Variants in SLC4A5 observed in about 807,000 individuals in gnomAD.
The protein encoded by SLC4A5 is electrogenic sodium bicarbonate cotransporter 4.
SLC4A5 carries 96 observed loss-of-function variants against 120.4 expected under a neutral mutation model. That is an observed-to-expected ratio of 0.80 (90% CI 0.68 to 0.94). The LOEUF (loss-of-function observed/expected upper bound fraction) is 0.94, where lower values mean the gene tolerates loss of function less well. SLC4A5 is among the 40% of genes least tolerant of loss of function. The pLI is 0.00. For missense variants in SLC4A5, 1,259 were observed against 1,459.5 expected (o/e 0.86, Z 2.24); for synonymous variants, 550 against 571.1 (o/e 0.96, Z 0.53).
intron 21 of SLC4A5, among the ~76,000 whole-genome samples, chr2:74,236,574 C>G (rs1331205548): frequency 6.6e-6 from 1 of 152,174 alleles, no homozygotes; most frequent in African/African-American, 2.4e-5. Context: ...ATCTGTAAGT[C>G]AATTCCAAAA....
chr2:74,230,453 G>A lies in SLC4A5; in HGVS notation c.2847+783C>T, dbSNP rs149687824. Among the ~76,000 whole-genome samples the A allele has an allele frequency of 1.1e-4, 16 of 152,234 alleles. 1 individual carries two copies. The highest frequency in any genetic ancestry group is 3.4e-4 in the African/African-American group (14 of 41,546). Reference sequence around the variant, plus strand: ...CAAGCTGTGTGGGAAAAAGTCACTCGAGTCCCCAGACTTCCTGAGCTCAGG... The same window carrying A: ...CAAGCTGTGTGGGAAAAAGTCACTCAAGTCCCCAGACTTCCTGAGCTCAGG... On this transcript the variant is annotated intron_variant, in intron 25 of 30. Transcript: ENST00000394019.
chr2:74,274,970 C>A (rs1421397597), intron 8 of SLC4A5, among the ~76,000 whole-genome samples: 2 of 152,182 alleles, frequency 1.3e-5, no homozygotes, highest in African/African-American at 4.8e-5. Context: ...GGACTAGGAT[C>A]AGATTGATAG....
intron 7 of SLC4A5, among the ~76,000 whole-genome samples, chr2:74,289,136 T>A (rs1672079140): frequency 6.6e-6 from 1 of 152,194 alleles, no homozygotes; most frequent in Non-Finnish European, 1.5e-5. Context: ...CAGTAGAGTG[T>A]GCTTTTAAAA....
intron 26 of SLC4A5, 46 bp from the exon 27 acceptor site, chr2:74,227,176 C>T (rs773886977): frequency 5.1e-5 from 79 of 1,547,132 alleles, no homozygotes; most frequent in Non-Finnish European, 6.6e-5. Flanking sequence ...ACCCCGAGGG[C>T]CCGCTGGGTC....
At chr2:74,248,704 C>A (rs1423159980) in intron 17 of SLC4A5, among the ~76,000 whole-genome samples, 4 of 152,180 alleles carry the variant, frequency 2.6e-5, no homozygotes, top group African/African-American at 9.7e-5. Context: ...GATAAAGGTA[C>A]CATGTGACTT....
chr2:74,294,795 C>T (rs947497283), intron 7 of SLC4A5, among the ~76,000 whole-genome samples: 2 of 151,952 alleles, frequency 1.3e-5, no homozygotes, highest in African/African-American at 4.8e-5. Context: ...CCTCAGCCTC[C>T]TGAGTACCTG....
At chr2:74,296,005 G>T (rs1438375955) in intron 7 of SLC4A5, among the ~76,000 whole-genome samples, 2 of 152,196 alleles carry the variant, frequency 1.3e-5, no homozygotes, top group Non-Finnish European at 2.9e-5. Flanking sequence ...ATCGAATAAG[G>T]TTATAAAAAC....
intron 7 of SLC4A5, chr2:74,290,240 T>C (rs1001172772): frequency 8.1e-6 from 8 of 985,470 alleles, no homozygotes; most frequent in Non-Finnish European, 9.6e-6. Context: ...GCCTGGGGCA[T>C]TACCTGCTCC....
chr2:74,242,441 G>A (rs1670478074), intron 19 of SLC4A5, among the ~76,000 whole-genome samples: 1 of 152,214 alleles, frequency 6.6e-6, no homozygotes, highest in Non-Finnish European at 1.5e-5. Flanking sequence ...CATGCCCTAT[G>A]CCAAGCCTTT....
At position 74,271,525 on chromosome 2, in the gene SLC4A5, C is replaced by T. The variant is rs182107739; in HGVS notation, c.402-6261G>A. Among the ~76,000 whole-genome samples, 204 of 152,192 alleles carry T rather than the reference C, an allele frequency of 1.3e-3. 1 individual carries two copies. The highest frequency in any genetic ancestry group is 4.8e-3 in the African/African-American group (200 of 41,536). ...GCCTAAAATAATTAATTAATTCAGG[C>T]TCAGTGCCTAAATTAATAATTAATT... On this transcript the variant is annotated intron_variant, in intron 8 of 30. Coordinates refer to ENST00000394019, the Ensembl canonical transcript of SLC4A5.
intron 4 of SLC4A5, among the ~76,000 whole-genome samples, chr2:74,333,448 C>T (rs1365070593): frequency 6.6e-6 from 1 of 152,034 alleles, no homozygotes; most frequent in Non-Finnish European, 1.5e-5. Context: ...AGTCAACAAA[C>T]AGCAGATCAA....
At chr2:74,219,258 C>T (rs1694547063) in intron 30 of SLC4A5, among the ~76,000 whole-genome samples, 1 of 150,468 alleles carries the variant, frequency 6.6e-6, no homozygotes, top group Non-Finnish European at 1.5e-5. Flanking sequence ...GGCCTGTGTC[C>T]ACTGCCTGAA....
intron 8 of SLC4A5, among the ~76,000 whole-genome samples, chr2:74,271,264 T>C (rs905245805): frequency 3.9e-5 from 6 of 152,186 alleles, no homozygotes; most frequent in Non-Finnish European, 8.8e-5. Flanking sequence ...GTTATTCTGC[T>C]TATTTCTCCT....
At chr2:74,272,034 G>C (rs1000309562) in intron 8 of SLC4A5, among the ~76,000 whole-genome samples, 1 of 152,082 alleles carries the variant, frequency 6.6e-6, no homozygotes, top group Admixed American at 6.5e-5. Flanking sequence ...AGCTGTGATC[G>C]CACCACTGCA....
At chr2:74,318,337 TG>T in intron 5 of SLC4A5, among the ~76,000 whole-genome samples, 2 of 152,154 alleles carry the variant, frequency 1.3e-5, no homozygotes, top group South Asian at 4.1e-4. Context: ...ATCAGAGAAA[TG>T]CAAATTAAAA....
chr2:74,284,972 C>T (rs1007089106), intron 8 of SLC4A5, among the ~76,000 whole-genome samples: 2 of 152,170 alleles, frequency 1.3e-5, no homozygotes, highest in South Asian at 4.1e-4. Context: ...TCCAAGAAGC[C>T]CTCGCTGTCT....
chr2:74,262,469 G>GTGGGTGGA, intron 10 of SLC4A5, among the ~76,000 whole-genome samples: 1 of 151,928 alleles, frequency 6.6e-6, no homozygotes, highest in Admixed American at 6.6e-5. Flanking sequence ...GGAGGCTGAG[G>GTGGGTGGA]TGGGTGGATG....
At chr2:74,248,962 G>A (rs1670705611) in intron 17 of SLC4A5, among the ~76,000 whole-genome samples, 1 of 152,228 alleles carries the variant, frequency 6.6e-6, no homozygotes, top group Admixed American at 6.5e-5. Context: ...GGGAGACACA[G>A]GTAAGTAACC....
At chr2:74,279,366 T>C (rs1364457136) in intron 8 of SLC4A5, among the ~76,000 whole-genome samples, 4 of 152,186 alleles carry the variant, frequency 2.6e-5, no homozygotes, top group African/African-American at 7.2e-5. Context: ...CCTCCCTTCA[T>C]CTTGAATGTC....
Sources: allele counts gnomAD v4.1 joint callset (sites outside exome capture counted in the v4.1 genomes callset), GRCh38; gene constraint gnomAD v4.1.1; transcripts MANE v1.5; gene names NCBI Gene and HGNC (gene_info 2026-07-23, HGNC 2026-07-21).